The following TSHZ2 variants were observed in gnomAD, a reference collection of about 807,000 sequenced individuals.
The protein encoded by TSHZ2 is teashirt zinc finger homeobox 2.
TSHZ2 carries 21 observed loss-of-function variants against 74.4 expected under a neutral mutation model. The ratio of observed to expected loss-of-function variants is 0.28; its 90% confidence interval spans 0.20 to 0.41. TSHZ2 has a LOEUF of 0.41. TSHZ2 is among the 10% of genes least tolerant of loss of function. The pLI, the probability that TSHZ2 is intolerant of heterozygous loss-of-function variation, is 1.00. For missense variants in TSHZ2, 1,244 were observed against 1,293.5 expected (o/e 0.96, Z 0.59); for synonymous variants, 540 against 515.3 (o/e 1.05, Z -0.65).
chr20:53,102,966 C>T (rs569053861), intron 1 of TSHZ2, among the ~76,000 whole-genome samples: 2 of 151,986 alleles, frequency 1.3e-5, no homozygotes, highest in Non-Finnish European at 2.9e-5. Context: ...GTGCGCTGCA[C>T]CCACTAGGAT....
intron 1 of TSHZ2, among the ~76,000 whole-genome samples, chr20:52,996,888 C>T (rs930800786): frequency 6.6e-6 from 1 of 152,128 alleles, no homozygotes; most frequent in South Asian, 2.1e-4. Flanking sequence ...GAAAACATTC[C>T]TGGTTAGTAG....
intron 1 of TSHZ2, among the ~76,000 whole-genome samples, chr20:53,011,515 G>C (rs1283016364): frequency 6.6e-6 from 1 of 152,122 alleles, no homozygotes; most frequent in Non-Finnish European, 1.5e-5. Flanking sequence ...AATCCTAATA[G>C]TTCAGAACTA....
At chr20:53,195,409 TG>T (rs1455990458) in intron 1 of TSHZ2, among the ~76,000 whole-genome samples, 2 of 152,164 alleles carry the variant, frequency 1.3e-5, no homozygotes, top group African/African-American at 4.8e-5. Flanking sequence ...ACAACTATAT[TG>T]GTGAAAGATA....
chr20:52,994,903 C>T (rs1400542090), intron 1 of TSHZ2, among the ~76,000 whole-genome samples: 1 of 152,192 alleles, frequency 6.6e-6, no homozygotes, highest in African/African-American at 2.4e-5. Context: ...CATTACAGTG[C>T]ACTTGAGGCT....
chr20:53,142,781 G>A (rs1435579116), intron 1 of TSHZ2, among the ~76,000 whole-genome samples: 1 of 151,246 alleles, frequency 6.6e-6, no homozygotes, highest in Admixed American at 6.6e-5. Flanking sequence ...GCCATTGAGA[G>A]GTCCTCTAAA....
At chr20:53,247,988 T>C (rs1990244279) in intron 1 of TSHZ2, among the ~76,000 whole-genome samples, 1 of 152,226 alleles carries the variant, frequency 6.6e-6, no homozygotes, top group South Asian at 2.1e-4. Flanking sequence ...TGAATTATTT[T>C]GCACAATTTC....
At chr20:53,419,156 T>C (rs1010354741) in intron 2 of TSHZ2, among the ~76,000 whole-genome samples, 14 of 152,208 alleles carry the variant, frequency 9.2e-5, no homozygotes, top group African/African-American at 3.4e-4. Flanking sequence ...TGGACCAGGT[T>C]GTTTTGTTCT....
At chr20:53,333,335 A>G (rs947877959) in intron 2 of TSHZ2, among the ~76,000 whole-genome samples, 1 of 152,200 alleles carries the variant, frequency 6.6e-6, no homozygotes, top group Non-Finnish European at 1.5e-5. Context: ...TGAAAACACA[A>G]TTAGAGGCCT....
intron 2 of TSHZ2, among the ~76,000 whole-genome samples, chr20:53,383,933 T>G (rs1981950108): frequency 6.6e-6 from 1 of 152,172 alleles, no homozygotes; most frequent in South Asian, 2.1e-4. Context: ...ACCAAAAAGC[T>G]AGGCTTCCCA....
intron 2 of TSHZ2, among the ~76,000 whole-genome samples, chr20:53,310,095 T>C (rs1258446979): frequency 6.6e-6 from 1 of 152,246 alleles, no homozygotes; most frequent in Non-Finnish European, 1.5e-5. Flanking sequence ...CTAAAGAACA[T>C]GCTTTGAAAT....
At chr20:53,078,591 C>G (rs1985439039) in intron 1 of TSHZ2, among the ~76,000 whole-genome samples, 1 of 152,150 alleles carries the variant, frequency 6.6e-6, no homozygotes, top group Non-Finnish European at 1.5e-5. Context: ...GAAAAATACC[C>G]TGGCTGCATT....
chr20:53,240,721 TGATAGATA>T (rs11468792), intron 1 of TSHZ2, among the ~76,000 whole-genome samples: 4,182 of 145,138 alleles, frequency 0.029, 71 homozygotes, highest in East Asian at 0.038. Flanking sequence ...GATAGATAGA[TGATAGATA>T]GATAGATAGA....
intron 1 of TSHZ2, among the ~76,000 whole-genome samples, chr20:53,118,640 A>C (rs1226120588): frequency 2.0e-5 from 3 of 152,044 alleles, no homozygotes; most frequent in African/African-American, 7.2e-5. Context: ...GGTGTCAGGG[A>C]GGTTCCTTAA....
intron 2 of TSHZ2, among the ~76,000 whole-genome samples, chr20:53,322,525 G>GA (rs990227785): frequency 8.6e-4 from 126 of 147,016 alleles, no homozygotes; most frequent in East Asian, 2.2e-3. Flanking sequence ...AAAAAAAAAA[G>GA]AAAAAAAAAA....
intron 2 of TSHZ2, among the ~76,000 whole-genome samples, chr20:53,407,039 T>C (rs60016555): frequency 0.014 from 2,081 of 152,274 alleles, 41 homozygotes; most frequent in African/African-American, 0.047. Context: ...CAGAAAATGT[T>C]CACCAGGGAA....
chr20:53,253,078 T>TAGATGCCA (rs1990365099), intron 1 of TSHZ2, among the ~76,000 whole-genome samples: 1 of 152,158 alleles, frequency 6.6e-6, no homozygotes, highest in African/African-American at 2.4e-5. Context: ...CTTTACCATC[T>TAGATGCCA]AGATGCCAAG....
intron 1 of TSHZ2, among the ~76,000 whole-genome samples, chr20:53,224,102 T>A (rs957658745): frequency 8.5e-5 from 13 of 152,184 alleles, no homozygotes; most frequent in Admixed American, 7.2e-4. Flanking sequence ...TGCGTATGAA[T>A]CTACAATGAT....
At chr20:53,469,004 T>A (rs1440532235) in intron 2 of TSHZ2, among the ~76,000 whole-genome samples, 2 of 133,078 alleles carry the variant, frequency 1.5e-5, no homozygotes, top group Non-Finnish European at 3.1e-5. Flanking sequence ...TCAGGAACAA[T>A]TAGCTTGGCA....
At chr20:53,381,069 C>T (rs924637166) in intron 2 of TSHZ2, among the ~76,000 whole-genome samples, 39 of 152,298 alleles carry the variant, frequency 2.6e-4, no homozygotes, top group African/African-American at 8.7e-4. Context: ...CACTCATCCA[C>T]GAAATCTTGG....
Sources: gnomAD v4.1 joint callset for allele counts (sites outside exome capture counted in the v4.1 genomes callset) on GRCh38, gnomAD v4.1.1 for gene constraint, MANE v1.5 for transcripts, NCBI Gene and HGNC (gene_info 2026-07-23, HGNC 2026-07-21) for gene names.